Variants in ENPP7 observed in about 807,000 individuals in gnomAD.
ENPP7 encodes ectonucleotide pyrophosphatase/phosphodiesterase family member 7.
Under a neutral mutation model 33.6 loss-of-function variants are expected in ENPP7, and 39 were observed. The observed-to-expected ratio is 1.16, with a 90% confidence interval of 0.90 to 1.52. The LOEUF (loss-of-function observed/expected upper bound fraction) is 1.52, where lower values mean the gene tolerates loss of function less well. Ranked by LOEUF, ENPP7 falls within the 40% of genes most tolerant of loss-of-function variation. The probability of loss-of-function intolerance (pLI) is 0.00; values close to 1 mark genes in which losing one functional copy is unlikely to be tolerated. For synonymous variants in ENPP7, 244 were observed against 274.3 expected (o/e 0.89, Z 1.09); for missense variants, 594 against 641.0 (o/e 0.93, Z 0.79).
At position 79,737,318 on chromosome 17, in the gene ENPP7, A is replaced by T; in HGVS notation, c.1246+58A>T. ...TCTGGTGTGTACACGTGTGCACACG[A>T]GGGTGCCTGCATGCCTGTGACCAGG... On this transcript the variant is annotated intron_variant, in intron 4 of 5. Coordinates refer to ENST00000328313, the MANE Select transcript of ENPP7 (RefSeq NM_178543.5). This position sits in a 1 kb window ranked among gnomAD's most constrained non-coding sequence, Gnocchi z 5.5. 1 of 1,429,446 alleles carries T rather than the reference A, an allele frequency of 7.0e-7. No individual in the cohort carries two copies. Among genetic ancestry groups the T allele is most frequent in the Non-Finnish European group, 9.5e-7 (1 of 1,050,486 alleles). 88.5% of individuals were successfully genotyped at this position (1,429,446 alleles called of 1,614,324 possible).
rs1335890478 is a variant in ENPP7, at chr17:79,739,278, C to T, written c.*16+1216C>T. The stretch of plus-strand genomic sequence containing the variant: ...GGCTCTAACAGGAGCTGACCACAGC[C>T]CCAAGGCAGGAGGTTGTGGGATGCA... On this transcript the variant is annotated intron_variant, in intron 5 of 5. Coordinates refer to ENST00000328313, the MANE Select transcript of ENPP7 (RefSeq NM_178543.5). The surrounding 1 kb of genome is among the most constrained non-coding windows in gnomAD (Gnocchi z 4.4). 5.2e-5 allele frequency: 8 copies of T among 152,454 alleles called. No homozygotes were observed. Among genetic ancestry groups the T allele is most frequent in the African/African-American group, 1.9e-4 (8 of 41,458 alleles). The allele number at this position is 152,454 out of a possible 1,614,324, so 9.4% of individuals were successfully genotyped here. A position where few individuals can be genotyped will look rare whatever the true frequency, so the allele number is the denominator to read the frequency against.
rs1555823323 is a variant in ENPP7 at position 79,735,306 on chromosome 17, G to C, written c.663G>C (p.Arg221=). The change falls in exon 3 of 6, where the codon CGG becomes CGC. Residue 221 remains arginine (R), a synonymous_variant. Transcript: ENST00000328313. This position sits in a 1 kb window ranked among gnomAD's most constrained non-coding sequence, Gnocchi z 5.5. ...ERREMVRQVD[R]TVGYLRESIA... ...GGGAGATGGTGCGGCAGGTGGACCG[G>C]ACCGTGGGCTACCTCCGGGAGAGCA... 3.1e-6 allele frequency: 5 copies of C among 1,613,274 alleles called. No homozygotes were observed. Among genetic ancestry groups the C allele is most frequent in the Non-Finnish European group, 4.2e-6 (5 of 1,180,024 alleles).
chr17:79,737,819 G>A lies in ENPP7; in HGVS notation c.1247-97G>A. On this transcript the variant is annotated intron_variant, in intron 4 of 5. Coordinates refer to ENST00000328313, the MANE Select transcript of ENPP7 (RefSeq NM_178543.5). The surrounding 1 kb of genome is among the most constrained non-coding windows in gnomAD (Gnocchi z 5.5). ...GGGGGCGGTGAAAGAGGAAGGAGGGGCTCGTGGGGACCAACAGAGGACCCC... is the reference window on the plus strand; with the variant it reads ...GGGGGCGGTGAAAGAGGAAGGAGGGACTCGTGGGGACCAACAGAGGACCCC... 5 of 1,342,740 alleles carry A rather than the reference G, an allele frequency of 3.7e-6. No individual in the cohort carries two copies. In the South Asian group the frequency reaches 4.9e-5, roughly 13 times the overall value. The allele number at this position is 1,342,740 out of a possible 1,614,324, so 83.2% of individuals were successfully genotyped here. A position where few individuals can be genotyped will look rare whatever the true frequency, so the allele number is the denominator to read the frequency against.
At chr17:79,732,646 G>C (rs1555822774) in intron 1 of ENPP7, among the ~76,000 whole-genome samples, 1 of 152,138 alleles carries the variant, frequency 6.6e-6, no homozygotes, top group Non-Finnish European at 1.5e-5. Flanking sequence ...CGTCTCCCCA[G>C]GGCCTTTCCC....
At chr17:79,736,967 A>C in intron 3 of ENPP7, 74 bp from the exon 4 acceptor site, 4 of 1,284,110 alleles carry the variant, frequency 3.1e-6, no homozygotes, top group Non-Finnish European at 4.5e-6. Context: ...GGGTGTTCAT[A>C]GGGTGGATAG....
chr17:79,733,490 C>T lies in ENPP7; in HGVS notation c.254-18C>T, dbSNP rs782534221. 6.2e-7 allele frequency: 1 copy of T among 1,611,066 alleles called. No individual in the cohort carries two copies. The highest frequency in any genetic ancestry group is 8.5e-7 in the Non-Finnish European group (1 of 1,178,628). ...CCCCGGTCCATCCCGCCGCCCTCTGCACCTCTTCCTCCCTCAGGCAAATAT... is the reference window on the plus strand; with the variant it reads ...CCCCGGTCCATCCCGCCGCCCTCTGTACCTCTTCCTCCCTCAGGCAAATAT... On this transcript the variant is annotated intron_variant, in intron 1 of 5. Coordinates refer to ENST00000328313, the MANE Select transcript of ENPP7 (RefSeq NM_178543.5).
intron 2 of ENPP7, among the ~76,000 whole-genome samples, chr17:79,733,908 G>A (rs1430097283): frequency 6.6e-6 from 1 of 152,184 alleles, no homozygotes; most frequent in East Asian, 1.9e-4. Context: ...TCTCTGGGGG[G>A]CCCTGGGAGC....
rs1445016173 is a variant in ENPP7 at position 79,742,144 on chromosome 17, C to G, written c.*367C>G. 6.1e-6 allele frequency: 1 copy of G among 165,006 alleles called. No homozygotes were observed. The highest frequency in any genetic ancestry group is 1.3e-5 in the Non-Finnish European group (1 of 79,738). The allele number at this position is 165,006 out of a possible 1,614,324, so 10.2% of individuals were successfully genotyped here. On this transcript the variant is annotated 3_prime_UTR_variant, in exon 6 of 6. Transcript: ENST00000328313. Reference sequence around the variant, plus strand: ...TCTGCGGGCGCTGGAACCTGCAGACCCGGCCTCGGTCAGCTGGGAGGGGCC... The same window carrying G: ...TCTGCGGGCGCTGGAACCTGCAGACGCGGCCTCGGTCAGCTGGGAGGGGCC...
At position 79,731,211 on chromosome 17, in the gene ENPP7, AC is replaced by A. The variant is rs2094284592; in HGVS notation, c.73del (p.Gln25LysfsTer38). The A allele has an allele frequency of 6.2e-7, 1 of 1,612,318 alleles. No individual in the cohort carries two copies. On this transcript the variant is annotated frameshift_variant, in exon 1 of 6. Coordinates refer to ENST00000328313, the MANE Select transcript of ENPP7 (RefSeq NM_178543.5). LOFTEE classifies it high-confidence loss of function. ...TGGCTCCCGGGGCCGGAGCACCGGT[AC>A]AAAGTCAGGGCTCCCAGAACAAGCT... ...LLAPGAGAPVQSQGSQNKLLL... is the reference protein window; with the variant it reads ...LLAPGAGAPVXSQGSQNKLLL...
chr17:79,733,734 C>T (rs2094290394), intron 2 of ENPP7, 81 bp downstream of exon 2: 8 of 1,416,038 alleles, frequency 5.6e-6, no homozygotes, highest in East Asian at 2.5e-5. Context: ...CATGTGAGAT[C>T]CACGGCAGGT....
chr17:79,737,173 G>T lies in ENPP7; in HGVS notation c.1159G>T (p.Val387Leu), dbSNP rs376721219. Residue 387 changes from valine (V) to leucine (L), a missense_variant, in exon 4 of 6, where the codon GTG becomes TTG. Val to Leu is a conservative substitution (Grantham distance 32). Around this residue, in one of 3 missense-constraint regions of ENPP7, gnomAD observed 504 missense variants for 512.8 expected, o/e 0.98. Transcript: ENST00000328313. This position sits in a 1 kb window ranked among gnomAD's most constrained non-coding sequence, Gnocchi z 5.5. ...LEVEPFESVHVYELMCRLLGI... is the reference protein window; with the variant it reads ...LEVEPFESVHLYELMCRLLGI... Reference sequence around the variant, plus strand: ...GGTGGAGCCCTTTGAGAGCGTCCACGTGTACGAGCTCATGTGCCGGCTGCT... The same window carrying T: ...GGTGGAGCCCTTTGAGAGCGTCCACTTGTACGAGCTCATGTGCCGGCTGCT... The T allele has an allele frequency of 6.2e-7, 1 of 1,613,642 alleles. No homozygotes were observed. The highest frequency in any genetic ancestry group is 1.3e-5 in the African/African-American group (1 of 74,950).
Position 79,737,861 on chromosome 17 carries a change from G to A in ENPP7, c.1247-55G>A, listed in dbSNP as rs2094298749. 6.3e-7 allele frequency: 1 copy of A among 1,597,710 alleles called. No homozygotes were observed. The highest frequency in any genetic ancestry group is 8.6e-7 in the Non-Finnish European group (1 of 1,168,546). On this transcript the variant is annotated intron_variant, in intron 4 of 5. Transcript: ENST00000328313. This position sits in a 1 kb window ranked among gnomAD's most constrained non-coding sequence, Gnocchi z 5.5. ...GAGGACCCCGAGTTTACTGTGGAGAGGCTGGGGTGAGGAGCCATCCCTCTC... is the reference window on the plus strand; with the variant it reads ...GAGGACCCCGAGTTTACTGTGGAGAAGCTGGGGTGAGGAGCCATCCCTCTC...
At position 79,738,533 on chromosome 17, in the gene ENPP7, C is replaced by T. The variant is rs1555824091; in HGVS notation, c.*16+471C>T. 4 of 158,094 alleles carry T rather than the reference C, an allele frequency of 2.5e-5. No homozygotes were observed. The allele number at this position is 158,094 out of a possible 1,614,324, so 9.8% of individuals were successfully genotyped here. On this transcript the variant is annotated intron_variant, in intron 5 of 5. Coordinates refer to ENST00000328313, the MANE Select transcript of ENPP7 (RefSeq NM_178543.5). This position sits in a 1 kb window ranked among gnomAD's most constrained non-coding sequence, Gnocchi z 6.2. ...GTAGGAGAGCACCAGGGCTATATTC[C>T]TGGAACTCTCTGGAAGCCCACCTCT...
At chr17:79,733,419 G>A in intron 1 of ENPP7, 89 bp from the exon 2 acceptor site, 1 of 1,423,718 alleles carries the variant, frequency 7.0e-7, no homozygotes, top group Non-Finnish European at 9.7e-7. Flanking sequence ...AACCTGGGCT[G>A]TTTTGACTTC....
At position 79,735,012 on chromosome 17, in the gene ENPP7, G is replaced by A. The variant is rs145957518; in HGVS notation, c.400-31G>A. ...GAGACAAGGGGCAGCCCACTGAGGA[G>A]TCCTGTCTTTCACGCTGCCTTGTCT... On this transcript the variant is annotated intron_variant, in intron 2 of 5. Coordinates refer to ENST00000328313, the MANE Select transcript of ENPP7 (RefSeq NM_178543.5). This position sits in a 1 kb window ranked among gnomAD's most constrained non-coding sequence, Gnocchi z 5.5. The A allele has an allele frequency of 1.2e-6, 2 of 1,606,204 alleles. No homozygotes were observed. Among genetic ancestry groups the A allele is most frequent in the East Asian group, 4.5e-5 (2 of 44,790 alleles).
In ENPP7 at chr17:79,735,590, C is replaced by A; in HGVS notation, c.947C>A (p.Pro316His). 1 of 1,613,844 alleles carries A rather than the reference C, an allele frequency of 6.2e-7. No homozygotes were observed. Among genetic ancestry groups the A allele is most frequent in the Non-Finnish European group, 8.5e-7 (1 of 1,180,016 alleles). The change falls in exon 3 of 6, where the codon CCC (proline) becomes CAC (histidine). Residue 316 changes from proline to histidine, a missense_variant. Pro to His is a moderately conservative substitution (Grantham distance 77). This residue lies in a region of ENPP7 where 504 missense variants were observed against 512.8 expected (regional missense o/e 0.98). Transcript: ENST00000328313. The surrounding 1 kb of genome is among the most constrained non-coding windows in gnomAD (Gnocchi z 5.5). ...KLHVYKKEAFPEAFHYANNPR... is the reference protein window; with the variant it reads ...KLHVYKKEAFHEAFHYANNPR... ...CACGTCTACAAGAAGGAGGCGTTCC[C>A]CGAGGCCTTCCACTACGCCAACAAC...
At chr17:79,740,461 C>T (rs926205911) in intron 5 of ENPP7, among the ~76,000 whole-genome samples, 1 of 152,148 alleles carries the variant, frequency 6.6e-6, no homozygotes, top group African/African-American at 2.4e-5. Context: ...TCAGCCACAA[C>T]GCCTGCCTCT....
At position 79,731,130 on chromosome 17, in the gene ENPP7, A is replaced by T; in HGVS notation, c.-10A>T. 3 of 1,603,350 alleles carry T rather than the reference A, an allele frequency of 1.9e-6. No homozygotes were observed. The highest frequency in any genetic ancestry group is 2.5e-6 in the Non-Finnish European group (3 of 1,176,938). On this transcript the variant is annotated 5_prime_UTR_variant, in exon 1 of 6. Coordinates refer to ENST00000328313, the MANE Select transcript of ENPP7 (RefSeq NM_178543.5). ...GCACCCTGTGTGCCTGTCCATCTGG[A>T]AGGCCCAGCATGAGAGGCCCGGCCG...
rs138491235 is a variant in ENPP7, at chr17:79,735,258, C to G, written c.615C>G (p.Tyr205Ter). ...AGCCGGACTCCACGGGCCACAGGTA[C>G]GGCCCCGAGTCCCCGGAGAGGAGGG... The part of the protein sequence containing the change: ...FGEPDSTGHR[Y>*]GPESPERREM... The change falls in exon 3 of 6, where the codon TAC (tyrosine) becomes TAG (stop). Residue 205 changes from tyrosine (Y) to a stop codon, truncating the protein, a stop_gained. Transcript: ENST00000328313. LOFTEE classifies it high-confidence loss of function. The surrounding 1 kb of genome is among the most constrained non-coding windows in gnomAD (Gnocchi z 5.5). The G allele has an allele frequency of 6.2e-6, 10 of 1,613,460 alleles. No homozygotes were observed. The highest frequency in any genetic ancestry group is 8.5e-6 in the Non-Finnish European group (10 of 1,180,008).
Sources: gnomAD v4.1 joint callset for allele counts (sites outside exome capture counted in the v4.1 genomes callset) on GRCh38, gnomAD v4.1.1 for gene constraint, gnomAD v4.1.1 regional missense constraint, Gnocchi (gnomAD v3.1) non-coding constraint, MANE v1.5 for transcripts, NCBI Gene and HGNC (gene_info 2026-07-23, HGNC 2026-07-21) for gene names.